The following COBL variants were observed in gnomAD, a reference collection of about 807,000 sequenced individuals.
The protein encoded by COBL is cordon-bleu WH2 repeat protein, also known as protein cordon-bleu.
COBL carries 51 observed loss-of-function variants against 98.8 expected under a neutral mutation model. The observed-to-expected ratio is 0.52, with a 90% CI of 0.41 to 0.65. The LOEUF (loss-of-function observed/expected upper bound fraction) is 0.65. Among genes scored for constraint, COBL ranks in the 30% least tolerant of loss-of-function variants. The probability of loss-of-function intolerance (pLI) is 0.00; values close to 1 mark genes in which losing one functional copy is unlikely to be tolerated. For missense variants in COBL, 1,617 were observed against 1,617.5 expected (o/e 1.00, Z 0.01); for synonymous variants, 634 against 651.7 (o/e 0.97, Z 0.41).
rs566712061 is a variant in COBL at position 51,048,034 on chromosome 7, G to A, written c.1097-4342C>T. Among the ~76,000 whole-genome samples, 61 of 152,234 alleles carry A rather than the reference G, an allele frequency of 4.0e-4. 1 individual carries two copies. In the South Asian group the frequency reaches 0.012, roughly 31 times the overall value. ...ATACAAAAAATAGCGAGGTGTGGTG[G>A]TGCACACCTGTAATCCCAGCTACTC... On this transcript the variant is annotated intron_variant, in intron 7 of 12. Coordinates refer to ENST00000265136, the MANE Select transcript of COBL (RefSeq NM_015198.5).
intron 6 of COBL, among the ~76,000 whole-genome samples, chr7:51,109,429 C>T (rs956779536): frequency 3.3e-5 from 5 of 152,192 alleles, no homozygotes; most frequent in Non-Finnish European, 7.3e-5. Context: ...TTCTTTGCCA[C>T]TTCCATCTCG....
intron 3 of COBL, among the ~76,000 whole-genome samples, chr7:51,193,131 C>T (rs1162611549): frequency 1.3e-5 from 2 of 152,140 alleles, no homozygotes; most frequent in African/African-American, 4.8e-5. Context: ...ATGGATAGCT[C>T]CACTGTAGAT....
At chr7:51,017,803 A>C (rs1786429538) in intron 12 of COBL, among the ~76,000 whole-genome samples, 1 of 152,184 alleles carries the variant, frequency 6.6e-6, no homozygotes, top group South Asian at 2.1e-4. Context: ...CAGGATGCAG[A>C]GGCCCGAGGT....
chr7:51,242,368 T>C (rs1396044974), intron 1 of COBL, among the ~76,000 whole-genome samples: 1 of 152,260 alleles, frequency 6.6e-6, no homozygotes, highest in African/African-American at 2.4e-5. Flanking sequence ...GGAATGTACT[T>C]TGATTTTTGA....
At chr7:51,193,719 A>G (rs924816137) in intron 2 of COBL, 130 bp from the exon 3 acceptor site, 106 of 762,166 alleles carry the variant, frequency 1.4e-4, no homozygotes, top group Non-Finnish European at 1.9e-5. Flanking sequence ...AAAAAAGACA[A>G]CAGAAGCTCA....
rs768376391 is a variant in COBL at position 51,136,163 on chromosome 7, C to T, written c.952G>A (p.Glu318Lys). ...SGPPVQDKAS[E>K]KVSLGSQIDL... ...AGAACAGCCCACTGCCCTACCTTTT[C>T]CGATGCCTTGTCTTGCACAGGTGGC... The change falls in exon 6 of 13, where the codon GAA (glutamate) becomes AAA (lysine). Residue 318 changes from glutamate to lysine, a missense_variant. Physicochemically the swap from Glu to Lys is moderately conservative, Grantham distance 56 (BLOSUM62 1). Transcript: ENST00000265136. 2.5e-6 allele frequency: 4 copies of T among 1,610,934 alleles called. No homozygotes were observed. Among genetic ancestry groups the T allele is most frequent in the Admixed American group, 1.7e-5 (1 of 59,746 alleles).
At chr7:51,243,577 G>A (rs1300963581) in intron 1 of COBL, among the ~76,000 whole-genome samples, 9 of 151,908 alleles carry the variant, frequency 5.9e-5, no homozygotes, top group Non-Finnish European at 1.2e-4. Context: ...GCCCTCAGCA[G>A]GAAAAAGGAG....
At chr7:51,194,824 T>C (rs1790444739) in intron 2 of COBL, among the ~76,000 whole-genome samples, 1 of 152,136 alleles carries the variant, frequency 6.6e-6, no homozygotes, top group East Asian at 1.9e-4. Flanking sequence ...ACTTTAAGTT[T>C]TAGGGTACAT....
At chr7:51,183,534 A>G (rs1480962219) in intron 5 of COBL, among the ~76,000 whole-genome samples, 1 of 152,182 alleles carries the variant, frequency 6.6e-6, no homozygotes, top group Non-Finnish European at 1.5e-5. Context: ...CCAAAATATG[A>G]CTCTGAGATG....
chr7:51,203,394 G>A (rs1181258084), intron 2 of COBL, among the ~76,000 whole-genome samples: 6 of 111,562 alleles, frequency 5.4e-5, no homozygotes, highest in South Asian at 3.6e-4. Flanking sequence ...CCCGGGAGGC[G>A]GAGCTTGCAG....
At chr7:51,086,830 T>C (rs1794306232) in intron 6 of COBL, among the ~76,000 whole-genome samples, 1 of 152,164 alleles carries the variant, frequency 6.6e-6, no homozygotes, top group African/African-American at 2.4e-5. Context: ...TTCCTTCTGT[T>C]ATAGTATATT....
chr7:51,065,800 A>G (rs1246655060), intron 7 of COBL, among the ~76,000 whole-genome samples: 1 of 152,248 alleles, frequency 6.6e-6, no homozygotes, highest in African/African-American at 2.4e-5. Context: ...TTATTAGGAT[A>G]AGGTCTTTTA....
rs150988894 is a variant in COBL, at chr7:51,253,286, A to G, written c.42-33342T>C. Among the ~76,000 whole-genome samples the G allele has an allele frequency of 2.0e-3, 311 of 152,340 alleles. 2 individuals are homozygous for G. The highest frequency in any genetic ancestry group is 0.01 in the Middle Eastern group (3 of 294). ...AATTTATTAAGGTGACATTCTCTCTATTTGAGTAACACTTCAGACTCCTGA... is the reference window on the plus strand; with the variant it reads ...AATTTATTAAGGTGACATTCTCTCTGTTTGAGTAACACTTCAGACTCCTGA... On this transcript the variant is annotated intron_variant, in intron 1 of 12. Coordinates refer to ENST00000265136, the MANE Select transcript of COBL (RefSeq NM_015198.5).
chr7:51,030,793 C>T lies in COBL; in HGVS notation c.1504+19G>A, dbSNP rs1327591537. On this transcript the variant is annotated intron_variant, in intron 9 of 12. Coordinates refer to ENST00000265136, the MANE Select transcript of COBL (RefSeq NM_015198.5). ...TTCATGCAGCATAATATCAGAGTAG[C>T]GGATCAGGTGGTTCTTACCTTCCAG... 6.7e-6 allele frequency: 10 copies of T among 1,502,606 alleles called. No homozygotes were observed. Among genetic ancestry groups the T allele is most frequent in the African/African-American group, 1.4e-5 (1 of 72,406 alleles). The allele number at this position is 1,502,606 out of a possible 1,614,324, so 93.1% of individuals were successfully genotyped here. A position where few individuals can be genotyped will look rare whatever the true frequency, so the allele number is the denominator to read the frequency against.
At position 51,132,578 on chromosome 7, in the gene COBL, C is replaced by T. The variant is rs371557733; in HGVS notation, c.957+3580G>A. ...AAACCATGAGCAAATAAGAGGAAAA[C>T]AAACTCTCCTTCGGGATGGGTTACT... is the stretch of plus-strand genomic sequence containing the variant. On this transcript the variant is annotated intron_variant, in intron 6 of 12. Coordinates refer to ENST00000265136, the MANE Select transcript of COBL (RefSeq NM_015198.5). Among the ~76,000 whole-genome samples the T allele has an allele frequency of 1.2e-4, 18 of 152,278 alleles. 1 individual carries two copies. Among genetic ancestry groups the T allele is most frequent in the African/African-American group, 4.1e-4 (17 of 41,566 alleles).
intron 5 of COBL, among the ~76,000 whole-genome samples, chr7:51,170,515 A>T (rs1027403920): frequency 6.8e-5 from 10 of 146,838 alleles, no homozygotes; most frequent in South Asian, 2.1e-4. Flanking sequence ...TGATATATAT[A>T]TATATATATA....
intron 8 of COBL, among the ~76,000 whole-genome samples, chr7:51,037,120 T>C (rs974544818): frequency 2.6e-5 from 4 of 152,176 alleles, no homozygotes; most frequent in Non-Finnish European, 5.9e-5. Flanking sequence ...CACACATATA[T>C]ATGTGTCTAT....
At chr7:51,163,895 T>C (rs1167956071) in intron 5 of COBL, among the ~76,000 whole-genome samples, 3 of 152,242 alleles carry the variant, frequency 2.0e-5, no homozygotes, top group African/African-American at 4.8e-5. Flanking sequence ...ACTAAATGTA[T>C]GTGTAATTTG....
At chr7:51,278,201 A>G (rs1454967999) in intron 1 of COBL, among the ~76,000 whole-genome samples, 2 of 152,076 alleles carry the variant, frequency 1.3e-5, no homozygotes, top group African/African-American at 2.4e-5. Flanking sequence ...TCCCACACAC[A>G]TGCACACCAA....
Sources: gnomAD v4.1 joint callset for allele counts (sites outside exome capture counted in the v4.1 genomes callset) on GRCh38, gnomAD v4.1.1 for gene constraint, MANE v1.5 for transcripts, NCBI Gene and HGNC (gene_info 2026-07-23, HGNC 2026-07-21) for gene names.